The following KMT2B variants were observed in gnomAD, a reference collection of about 807,000 sequenced individuals.
KMT2B encodes lysine methyltransferase 2B, also known as histone-lysine N-methyltransferase 2B.
KMT2B carries 22 observed loss-of-function variants against 255.3 expected under a neutral mutation model. The observed-to-expected ratio is 0.09, with a 90% CI of 0.06 to 0.12. KMT2B has a LOEUF of 0.12. Among genes scored for constraint, KMT2B ranks in the 10% least tolerant of loss-of-function variants. The pLI, the probability that KMT2B is intolerant of heterozygous loss-of-function variation, is 1.00. For missense variants in KMT2B, 3,149 were observed against 3,737.0 expected (o/e 0.84, Z 4.10); for synonymous variants, 1,730 against 1,498.1 (o/e 1.15, Z -3.57).
At position 35,733,681 on chromosome 19, in the gene KMT2B, T is replaced by G; in HGVS notation, c.7044T>G (p.Ser2348Arg). Reference sequence around the variant, plus strand: ...CTGGGGAGCCCGCTGGGGAAGAAAGTCCTGGGTGAGTGGCCAGGCCCCTCT... The same window carrying G: ...CTGGGGAGCCCGCTGGGGAAGAAAGGCCTGGGTGAGTGGCCAGGCCCCTCT... ...DRPGEPAGEE[S>R]PGPLQERSPL... The change falls in exon 29 of 37, where the codon AGT becomes AGG. Residue 2348 changes from serine to arginine, a missense_variant. Ser to Arg is a moderately radical substitution (Grantham distance 110). This residue lies in a region of KMT2B where 897 missense variants were observed against 825.3 expected (regional missense o/e 1.09). Coordinates refer to ENST00000420124, the MANE Select transcript of KMT2B (RefSeq NM_014727.3). The surrounding 1 kb of genome is among the most constrained non-coding windows in gnomAD (Gnocchi z 4.3). 6.2e-7 allele frequency: 1 copy of G among 1,602,932 alleles called. No homozygotes were observed. The highest frequency in any genetic ancestry group is 8.5e-7 in the Non-Finnish European group (1 of 1,175,136).
In KMT2B at chr19:35,729,954, C is replaced by T. The variant is rs1469148599; in HGVS notation, c.4918-13C>T. ...GCCCTGGCTTCTCCCCTGAGCTGCCCTCCCCTACGCAGCGCTGCGAGCTCT... is the reference window on the plus strand; with the variant it reads ...GCCCTGGCTTCTCCCCTGAGCTGCCTTCCCCTACGCAGCGCTGCGAGCTCT... On this transcript the variant is annotated splice_polypyrimidine_tract_variant and intron_variant, in intron 22 of 36. Coordinates refer to ENST00000420124, the MANE Select transcript of KMT2B (RefSeq NM_014727.3). 4 of 1,609,276 alleles carry T rather than the reference C, an allele frequency of 2.5e-6. No individual in the cohort carries two copies. Among genetic ancestry groups the T allele is most frequent in the Non-Finnish European group, 3.4e-6 (4 of 1,178,768 alleles).
Position 35,733,266 on chromosome 19 carries a change from C to G in KMT2B, c.6717C>G (p.Leu2239=). 3 of 1,478,854 alleles carry G rather than the reference C, an allele frequency of 2.0e-6. No individual in the cohort carries two copies. The highest frequency in any genetic ancestry group is 1.8e-6 in the Non-Finnish European group (2 of 1,085,162). The allele number at this position is 1,478,854 out of a possible 1,614,324, so 91.6% of individuals were successfully genotyped here. A position where few individuals can be genotyped will look rare whatever the true frequency, so the allele number is the denominator to read the frequency against. The change falls in exon 28 of 37, where the codon CTC becomes CTG. Residue 2239 remains leucine, a synonymous_variant. Coordinates refer to ENST00000420124, the MANE Select transcript of KMT2B (RefSeq NM_014727.3). This position sits in a 1 kb window ranked among gnomAD's most constrained non-coding sequence, Gnocchi z 4.3. ...CCTGGACTCTGCCCCCAGGCCCCCTCCTCGGCGTGCTGCCCGTGGTCGGAG... is the reference window on the plus strand; with the variant it reads ...CCTGGACTCTGCCCCCAGGCCCCCTGCTCGGCGTGCTGCCCGTGGTCGGAG... ...PTSWTLPPGP[L]LGVLPVVGVV...
Position 35,731,996 on chromosome 19 carries a change from C to A in KMT2B, c.5526C>A (p.Asp1842Glu). ...PERHSPIQNL[D>E]PPLRPDSGSA... is the part of the protein sequence containing the mutation. ...GCCACTCGCCCATTCAGAACCTGGA[C>A]CCTCCACTGCGGCCAGATTCAGGCA... The change falls in exon 27 of 37, where the codon GAC becomes GAA. Residue 1842 changes from aspartate to glutamate, a missense_variant. This residue lies in a region of KMT2B where 897 missense variants were observed against 825.3 expected (regional missense o/e 1.09). Transcript: ENST00000420124. 1 of 1,613,832 alleles carries A rather than the reference C, an allele frequency of 6.2e-7. No homozygotes were observed. The highest frequency in any genetic ancestry group is 1.1e-5 in the South Asian group (1 of 91,080).
chr19:35,725,889 G>T lies in KMT2B; in HGVS notation c.3885+71G>T. The T allele has an allele frequency of 7.8e-7, 1 of 1,288,546 alleles. No homozygotes were observed. The highest frequency in any genetic ancestry group is 1.1e-6 in the Non-Finnish European group (1 of 908,912). The allele number at this position is 1,288,546 out of a possible 1,614,324, so 79.8% of individuals were successfully genotyped here. Reference sequence around the variant, plus strand: ...ACCACCACCCCCAAACTTGCTCTAGGCTGGGGCTCTCAGGAGGAGCAGAGG... The same window carrying T: ...ACCACCACCCCCAAACTTGCTCTAGTCTGGGGCTCTCAGGAGGAGCAGAGG... On this transcript the variant is annotated intron_variant, in intron 13 of 36. Transcript: ENST00000420124. This position sits in a 1 kb window ranked among gnomAD's most constrained non-coding sequence, Gnocchi z 4.1.
chr19:35,738,669 T>G lies in KMT2B; in HGVS notation c.*112T>G. ...CCAGAGCATCTCACCCCCACCCTCA[T>G]GTTCAGGGTGGATGTGGGCATGCAG... is the stretch of plus-strand genomic sequence containing the variant. On this transcript the variant is annotated 3_prime_UTR_variant, in exon 37 of 37. Transcript: ENST00000420124. This position sits in a 1 kb window ranked among gnomAD's most constrained non-coding sequence, Gnocchi z 8.7. 1.7e-6 allele frequency: 2 copies of G among 1,209,174 alleles called. No individual in the cohort carries two copies. Among genetic ancestry groups the G allele is most frequent in the Non-Finnish European group, 2.3e-6 (2 of 875,524 alleles). 74.9% of individuals were successfully genotyped at this position (1,209,174 alleles called of 1,614,324 possible).
chr19:35,725,884 T>G lies in KMT2B; in HGVS notation c.3885+66T>G, dbSNP rs1011768955. On this transcript the variant is annotated intron_variant, in intron 13 of 36. Transcript: ENST00000420124. This position sits in a 1 kb window ranked among gnomAD's most constrained non-coding sequence, Gnocchi z 4.1. ...ATATCACCACCACCCCCAAACTTGC[T>G]CTAGGCTGGGGCTCTCAGGAGGAGC... 1.5e-6 allele frequency: 2 copies of G among 1,352,772 alleles called. No homozygotes were observed. Among genetic ancestry groups the G allele is most frequent in the African/African-American group, 1.4e-5 (1 of 69,126 alleles). 83.8% of individuals were successfully genotyped at this position (1,352,772 alleles called of 1,614,324 possible).
Position 35,727,486 on chromosome 19 carries a change from C to T in KMT2B, c.4166C>T (p.Thr1389Ile). Residue 1389 changes from threonine to isoleucine, a missense_variant, in exon 16 of 37, where the codon ACC becomes ATC. Coordinates refer to ENST00000420124, the MANE Select transcript of KMT2B (RefSeq NM_014727.3). This position sits in a 1 kb window ranked among gnomAD's most constrained non-coding sequence, Gnocchi z 4.2. Reference sequence around the variant, plus strand: ...GGACTGCCAGACTCGGTGCTGTACACCTGCGGACCGTGTGCTGGGGCAGCG... The same window carrying T: ...GGACTGCCAGACTCGGTGCTGTACATCTGCGGACCGTGTGCTGGGGCAGCG... ...LSGLPDSVLY[T>I]CGPCAGAAQP... is the part of the protein sequence containing the mutation. 2 of 1,612,620 alleles carry T rather than the reference C, an allele frequency of 1.2e-6. No individual in the cohort carries two copies. Among genetic ancestry groups the T allele is most frequent in the East Asian group, 2.2e-5 (1 of 44,872 alleles).
In KMT2B at chr19:35,725,273, C is replaced by T. The variant is rs1289771072; in HGVS notation, c.3582C>T (p.Thr1194=). The T allele has an allele frequency of 1.9e-6, 3 of 1,597,028 alleles. No individual in the cohort carries two copies. Among genetic ancestry groups the T allele is most frequent in the South Asian group, 1.1e-5 (1 of 88,482 alleles). The stretch of plus-strand genomic sequence containing the variant: ...TGATGGGGGGCCTGAGTGTGCTCAC[C>T]TCTGTGCCAGGGGGCCCCCCGATGG... ...VWLMGGLSVL[T]SVPGGPPMVC... is the part of the protein sequence containing the mutation. Residue 1194 remains threonine (T), a synonymous_variant, in exon 11 of 37, where the codon ACC becomes ACT. Transcript: ENST00000420124. This position sits in a 1 kb window ranked among gnomAD's most constrained non-coding sequence, Gnocchi z 4.1.
Position 35,721,721 on chromosome 19 carries a change from A to C in KMT2B, c.2374A>C (p.Met792Leu). The change falls in exon 3 of 37, where the codon ATG becomes CTG. Residue 792 changes from methionine (M) to leucine (L), a missense_variant. This residue lies in a region of KMT2B where 1,188 missense variants were observed against 1,106.4 expected (regional missense o/e 1.07). Transcript: ENST00000420124. ...GCCGCTGTCTGGGGTAGAGGAGAAGATGTTCAGCCTCCTCAAGAGAGCCAA... is the reference window on the plus strand; with the variant it reads ...GCCGCTGTCTGGGGTAGAGGAGAAGCTGTTCAGCCTCCTCAAGAGAGCCAA... The part of the protein sequence containing the change: ...SLPLSGVEEK[M>L]FSLLKRAKVQ... The C allele has an allele frequency of 6.2e-7, 1 of 1,610,760 alleles. No homozygotes were observed. Among genetic ancestry groups the C allele is most frequent in the Non-Finnish European group, 8.5e-7 (1 of 1,178,474 alleles).
chr19:35,736,471 A>C (rs986074218), intron 30 of KMT2B: 2 of 576,898 alleles, frequency 3.5e-6, no homozygotes, highest in Non-Finnish European at 6.1e-6. Context: ...TGTACCCAAG[A>C]AGTCCTGCAG....
rs1969817568 is a variant in KMT2B, at chr19:35,733,782, C to T, written c.7069C>T (p.Pro2357Ser). The T allele has an allele frequency of 6.2e-7, 1 of 1,613,646 alleles. No homozygotes were observed. Among genetic ancestry groups the T allele is most frequent in the Non-Finnish European group, 8.5e-7 (1 of 1,179,676 alleles). ...ESPGPLQERS[P>S]LLPLPEDGPP... ...TCGCAGGCCCCTCCAGGAACGGTCC[C>T]CTTTGCTGCCACTTCCGGAAGATGG... Residue 2357 changes from proline to serine, a missense_variant, in exon 30 of 37, where the codon CCT (proline) becomes TCT (serine). Pro to Ser is a moderately conservative substitution (Grantham distance 74). This residue lies in a region of KMT2B where 897 missense variants were observed against 825.3 expected (regional missense o/e 1.09). Coordinates refer to ENST00000420124, the MANE Select transcript of KMT2B (RefSeq NM_014727.3). The surrounding 1 kb of genome is among the most constrained non-coding windows in gnomAD (Gnocchi z 4.3).
intron 30 of KMT2B, among the ~76,000 whole-genome samples, chr19:35,734,453 C>T (rs914980092): frequency 6.6e-6 from 1 of 152,144 alleles, no homozygotes; most frequent in African/African-American, 2.4e-5. Context: ...CAGAGTTCAG[C>T]TAAGGATCGG....
chr19:35,719,882 C>G lies in KMT2B; in HGVS notation c.535C>G (p.Arg179Gly). ...TCCTACCCCCCCAAAGACCCCTGCC[C>G]GGAAACGGGGTGAGGAAGGCACAGA... Reference protein sequence around the residue: ...VAPTPPKTPARKRGEEGTERM... With the variant: ...VAPTPPKTPAGKRGEEGTERM... Residue 179 changes from arginine (R) to glycine (G), a missense_variant, in exon 3 of 37, where the codon CGG (arginine) becomes GGG (glycine). By Grantham distance (125) the Arg-to-Gly change is moderately radical. Around this residue, in one of 18 missense-constraint regions of KMT2B, gnomAD observed 1,188 missense variants for 1,106.4 expected, o/e 1.07. Transcript: ENST00000420124. The G allele has an allele frequency of 1.9e-6, 3 of 1,613,394 alleles. No homozygotes were observed. The highest frequency in any genetic ancestry group is 2.5e-6 in the Non-Finnish European group (3 of 1,179,848).
rs1415109581 is a variant in KMT2B, at chr19:35,720,686, C to T, written c.1339C>T (p.Pro447Ser). ...ACCACCTCTACCATCCCCTCCACCG[C>T]CTCCTGCCCAAGAGGAGCAGGAGGA... ...SPPPLPSPPP[P>S]PAQEEQEESP... is the part of the protein sequence containing the mutation. Residue 447 changes from proline to serine, a missense_variant, in exon 3 of 37, where the codon CCT becomes TCT. Coordinates refer to ENST00000420124, the MANE Select transcript of KMT2B (RefSeq NM_014727.3). The T allele has an allele frequency of 6.8e-7, 1 of 1,481,460 alleles. No individual in the cohort carries two copies. The highest frequency in any genetic ancestry group is 2.5e-5 in the Admixed American group (1 of 39,260). The allele number at this position is 1,481,460 out of a possible 1,614,324, so 91.8% of individuals were successfully genotyped here.
At position 35,721,119 on chromosome 19, in the gene KMT2B, C is replaced by G; in HGVS notation, c.1772C>G (p.Ser591Cys). ...CCACCACGTGCCCCAACTCCTCCAT[C>G]TACCCCAGTTCCACTCCCTGAGAAG... ...PSPPRAPTPPSTPVPLPEKRR... is the reference protein window; with the variant it reads ...PSPPRAPTPPCTPVPLPEKRR... The change falls in exon 3 of 37, where the codon TCT becomes TGT. Residue 591 changes from serine to cysteine, a missense_variant. Physicochemically the swap from Ser to Cys is moderately radical, Grantham distance 112. Around this residue, in one of 18 missense-constraint regions of KMT2B, gnomAD observed 1,188 missense variants for 1,106.4 expected, o/e 1.07. Coordinates refer to ENST00000420124, the MANE Select transcript of KMT2B (RefSeq NM_014727.3). 1.2e-6 allele frequency: 2 copies of G among 1,609,770 alleles called. No homozygotes were observed. Among genetic ancestry groups the G allele is most frequent in the Middle Eastern group, 1.7e-4 (1 of 6,060 alleles).
intron 22 of KMT2B, 95 bp downstream of exon 22, chr19:35,729,391 C>A: frequency 6.8e-7 from 1 of 1,462,204 alleles, no homozygotes. Context: ...CCCTACCTGG[C>A]ATCCTTTCAC....
Position 35,727,434 on chromosome 19 carries a change from C to G in KMT2B, c.4118-4C>G. 1 of 1,613,318 alleles carries G rather than the reference C, an allele frequency of 6.2e-7. No individual in the cohort carries two copies. The highest frequency in any genetic ancestry group is 1.1e-5 in the South Asian group (1 of 91,088). On this transcript the variant is annotated splice_polypyrimidine_tract_variant and splice_region_variant and intron_variant, in intron 15 of 36. Transcript: ENST00000420124. The surrounding 1 kb of genome is among the most constrained non-coding windows in gnomAD (Gnocchi z 4.2). Reference sequence around the variant, plus strand: ...CTTTTCCCTTTCCCACTTGGCTATCCTAGATGAAGACTACGAGATCCTTTC... The same window carrying G: ...CTTTTCCCTTTCCCACTTGGCTATCGTAGATGAAGACTACGAGATCCTTTC...
Position 35,729,275 on chromosome 19 carries a change from T to C in KMT2B, c.4896T>C (p.Ala1632=). 1.2e-6 allele frequency: 2 copies of C among 1,600,850 alleles called. No homozygotes were observed. Among genetic ancestry groups the C allele is most frequent in the Non-Finnish European group, 1.7e-6 (2 of 1,173,988 alleles). ...GCTCCCTCAAGAATGTGCATGCTGC[T>C]GTGGCCCGAGGGAGGCAGATGGTGA... is the stretch of plus-strand genomic sequence containing the variant. ...NDGSLKNVHA[A]VARGRQMRCE... The change falls in exon 22 of 37, where the codon GCT becomes GCC. Residue 1632 remains alanine, a synonymous_variant. Coordinates refer to ENST00000420124, the MANE Select transcript of KMT2B (RefSeq NM_014727.3).
At chr19:35,735,946 G>T (rs1405972651) in intron 30 of KMT2B, 1 of 152,232 alleles carries the variant, frequency 6.6e-6, no homozygotes, top group Admixed American at 6.5e-5. Context: ...AGTGTACTTG[G>T]CTCTGTGCAT....
Sources: allele counts gnomAD v4.1 joint callset (sites outside exome capture counted in the v4.1 genomes callset), GRCh38; gene constraint gnomAD v4.1.1; regional missense constraint gnomAD v4.1.1; non-coding constraint Gnocchi (gnomAD v3.1); transcripts MANE v1.5; gene names NCBI Gene and HGNC (gene_info 2026-07-23, HGNC 2026-07-21).